The following EEFSEC variants were observed in gnomAD, a reference collection of about 807,000 sequenced individuals.
The protein encoded by EEFSEC is selenocysteine-specific elongation factor.
A neutral mutation model predicts 42.1 loss-of-function variants in EEFSEC; 43 were observed. The observed-to-expected ratio is 1.02, with a 90% CI of 0.80 to 1.32. The LOEUF is 1.32. EEFSEC is among the 40% of genes most tolerant of loss of function. EEFSEC has a pLI of 0.00. For missense variants in EEFSEC, 745 were observed against 803.6 expected (o/e 0.93, Z 0.88); for synonymous variants, 354 against 339.1 (o/e 1.04, Z -0.48).
chr3:128,208,303 G>GGT (rs1413626893), intron 1 of EEFSEC, among the ~76,000 whole-genome samples: 1 of 152,200 alleles, frequency 6.6e-6, no homozygotes, highest in African/African-American at 2.4e-5. Flanking sequence ...CAAGTTACTT[G>GGT]ACCTCTATTG....
the EEFSEC span, among the ~76,000 whole-genome samples, chr3:128,413,973 G>A: frequency 1.3e-5 from 2 of 151,202 alleles, no homozygotes; most frequent in South Asian, 2.1e-4. Flanking sequence ...AAGGGCCGCC[G>A]AGGGGCCGCT....
chr3:128,232,886 A>AC (rs1016927257), intron 1 of EEFSEC, among the ~76,000 whole-genome samples: 81 of 151,772 alleles, frequency 5.3e-4, no homozygotes, highest in African/African-American at 1.9e-3. Context: ...AGCAGCCATC[A>AC]CCCCCCGGAC....
intron 4 of EEFSEC, among the ~76,000 whole-genome samples, chr3:128,275,342 A>G (rs1156618597): frequency 6.6e-6 from 1 of 152,200 alleles, no homozygotes; most frequent in East Asian, 1.9e-4. Context: ...CTGTCTGAAG[A>G]CCACTGCCTT....
chr3:128,399,928 C>G (rs2068029581), intron 6 of EEFSEC, among the ~76,000 whole-genome samples: 2 of 152,244 alleles, frequency 1.3e-5, no homozygotes, highest in African/African-American at 4.8e-5. Context: ...TGCACCACAA[C>G]TGCCAGGAAG....
At chr3:128,287,321 G>A (rs373538330) in intron 4 of EEFSEC, among the ~76,000 whole-genome samples, 40 of 152,260 alleles carry the variant, frequency 2.6e-4, no homozygotes, top group Admixed American at 1.5e-3. Flanking sequence ...TGCAGCCATG[G>A]GGGGAGGAAG....
intron 4 of EEFSEC, among the ~76,000 whole-genome samples, chr3:128,302,193 G>A (rs2066776544): frequency 6.6e-6 from 1 of 152,180 alleles, no homozygotes; most frequent in South Asian, 2.1e-4. Flanking sequence ...GAAGAGGGCA[G>A]GAATGTAATG....
At chr3:128,172,088 A>G (rs2065305168) in intron 1 of EEFSEC, among the ~76,000 whole-genome samples, 1 of 152,212 alleles carries the variant, frequency 6.6e-6, no homozygotes, top group Non-Finnish European at 1.5e-5. Flanking sequence ...CCCACAGATA[A>G]CAAAGGACAG....
In EEFSEC at chr3:128,167,906, C is replaced by T. The variant is rs116583823; in HGVS notation, c.316+14083C>T. Among the ~76,000 whole-genome samples the T allele has an allele frequency of 4.5e-3, 684 of 152,224 alleles. 4 individuals carry two copies. The highest frequency in any genetic ancestry group is 0.015 in the African/African-American group (614 of 41,534). On this transcript the variant is annotated intron_variant, in intron 1 of 6. Transcript: ENST00000254730. ...CTTGACCCTGGTTGTTTAAATCTGCCGGAGGAAATTTGAACAAAGTTGTAC... is the reference window on the plus strand; with the variant it reads ...CTTGACCCTGGTTGTTTAAATCTGCTGGAGGAAATTTGAACAAAGTTGTAC...
At chr3:128,338,788 G>T in intron 4 of EEFSEC, among the ~76,000 whole-genome samples, 1 of 152,154 alleles carries the variant, frequency 6.6e-6, no homozygotes. Flanking sequence ...TCAGCAGATT[G>T]CCTTGTGGGG....
intron 4 of EEFSEC, among the ~76,000 whole-genome samples, chr3:128,284,584 T>C (rs958102559): frequency 2.0e-5 from 3 of 152,132 alleles, no homozygotes; most frequent in Non-Finnish European, 4.4e-5. Context: ...GGTTACCTGA[T>C]GAGGGGAAAG....
intron 5 of EEFSEC, among the ~76,000 whole-genome samples, chr3:128,343,462 G>T (rs541635003): frequency 7.2e-5 from 11 of 152,244 alleles, no homozygotes; most frequent in East Asian, 3.9e-4. Flanking sequence ...GCTCCGGGGG[G>T]GCCGCTGGGG....
At chr3:128,269,637 C>T (rs772494159) in intron 4 of EEFSEC, among the ~76,000 whole-genome samples, 7 of 152,196 alleles carry the variant, frequency 4.6e-5, no homozygotes, top group Non-Finnish European at 7.3e-5. Flanking sequence ...GGCTGGCCTG[C>T]GGAGCCTGCC....
In EEFSEC at chr3:128,317,528, CCA is replaced by C. The variant is rs1429980173; in HGVS notation, c.787-23704_787-23703del. Among the ~76,000 whole-genome samples the C allele has an allele frequency of 6.6e-6, 1 of 152,244 alleles. No homozygotes were observed. The highest frequency in any genetic ancestry group is 1.5e-5 in the Non-Finnish European group (1 of 68,044). On this transcript the variant is annotated intron_variant, in intron 4 of 6. Transcript: ENST00000254730. This position sits in a 1 kb window ranked among gnomAD's most constrained non-coding sequence, Gnocchi z 4.1. ...CAGTTTGCTCCGATTTGCTCTGTGC[CCA>C]GAGTCTTTTTCCCCATCAGTCCTCT...
chr3:128,416,129 C>T, the EEFSEC span, among the ~76,000 whole-genome samples: 2 of 152,054 alleles, frequency 1.3e-5, no homozygotes, highest in African/African-American at 2.4e-5. Context: ...CACCAGGCCC[C>T]GATGATAAGA....
intron 1 of EEFSEC, among the ~76,000 whole-genome samples, chr3:128,165,482 C>A (rs2065234884): frequency 6.6e-6 from 1 of 152,054 alleles, no homozygotes; most frequent in Non-Finnish European, 1.5e-5. Context: ...TTTGAAGTGG[C>A]CTTTGTTGGG....
intron 4 of EEFSEC, among the ~76,000 whole-genome samples, chr3:128,329,984 G>T (rs568790105): frequency 6.6e-6 from 1 of 152,302 alleles, no homozygotes; most frequent in Non-Finnish European, 1.5e-5. Flanking sequence ...GGCTTTTCTG[G>T]CTCAGCCCTG....
At chr3:128,219,034 G>A (rs973244170) in intron 1 of EEFSEC, among the ~76,000 whole-genome samples, 5 of 152,214 alleles carry the variant, frequency 3.3e-5, no homozygotes, top group African/African-American at 1.2e-4. Flanking sequence ...AAGAGACCAC[G>A]AGAGGAGGCT....
At position 128,170,495 on chromosome 3, in the gene EEFSEC, C is replaced by T. The variant is rs570346781; in HGVS notation, c.316+16672C>T. ...CAGCCTGGGTGGCAGAGTGAGACCACGTCTAAAAAAAAAAAAAGCTTTCTT... is the reference window on the plus strand; with the variant it reads ...CAGCCTGGGTGGCAGAGTGAGACCATGTCTAAAAAAAAAAAAAGCTTTCTT... On this transcript the variant is annotated intron_variant, in intron 1 of 6. Transcript: ENST00000254730. Among the ~76,000 whole-genome samples, 24 of 150,760 alleles carry T rather than the reference C, an allele frequency of 1.6e-4. No individual in the cohort carries two copies. The South Asian group carries it at 2.5e-3, about 16-fold the overall frequency.
At chr3:128,214,185 T>C (rs2065786814) in intron 1 of EEFSEC, among the ~76,000 whole-genome samples, 1 of 152,242 alleles carries the variant, frequency 6.6e-6, no homozygotes, top group Admixed American at 6.5e-5. Flanking sequence ...TGGGAATCCT[T>C]TTTATATATC....
Sources: gnomAD v4.1 joint callset for allele counts (sites outside exome capture counted in the v4.1 genomes callset) on GRCh38, gnomAD v4.1.1 for gene constraint, Gnocchi (gnomAD v3.1) non-coding constraint, MANE v1.5 for transcripts, NCBI Gene and HGNC (gene_info 2026-07-23, HGNC 2026-07-21) for gene names.